The following AARD variants were observed in gnomAD, a reference collection of about 807,000 sequenced individuals.
AARD encodes alanine and arginine rich domain containing protein.
A neutral mutation model predicts 9.3 loss-of-function variants in AARD; 9 were observed. That is an observed-to-expected ratio of 0.97 (90% CI 0.58 to 1.69). The LOEUF is 1.69. Among genes scored for constraint, AARD ranks in the 40% most tolerant of loss-of-function variants. AARD has a pLI of 0.00. For synonymous variants in AARD, 91 were observed against 93.8 expected, an observed-to-expected ratio of 0.97 and a Z score of 0.17; for missense variants, 236 against 210.3, an observed-to-expected ratio of 1.12 and a Z score of -0.76.
rs566770012 is a variant in AARD, at chr8:116,942,696, GA to G, written c.465del (p.Glu155AspfsTer34). The G allele has an allele frequency of 8.5e-4, 1,374 of 1,613,200 alleles. 1 individual carries two copies. Among genetic ancestry groups the G allele is most frequent in the Middle Eastern group, 2.6e-3 (16 of 6,084 alleles). On this transcript the variant is annotated frameshift_variant, in exon 2 of 2. Transcript: ENST00000378279. LOFTEE classifies it high-confidence loss of function. The stretch of plus-strand genomic sequence containing the variant: ...CCCAAAAGATGATGCTGCGAATCCG[GA>G]ATAAAGAAATGCACACGCAAGGGCT... ...QSPKDDAANP[E>X] is the part of the protein sequence containing the mutation.
rs376039393 is a variant in AARD at position 116,938,388 on chromosome 8, G to T, written c.145G>T (p.Ala49Ser). The change falls in exon 1 of 2, where the codon GCC (alanine) becomes TCC (serine). Residue 49 changes from alanine to serine, a missense_variant. Coordinates refer to ENST00000378279, the MANE Select transcript of AARD (RefSeq NM_001025357.3). ...CAGGAGCACGGACATCCAGGAGGAGGCCCTCGCCGCCAGCCCGCTGCTGGA... is the reference window on the plus strand; with the variant it reads ...CAGGAGCACGGACATCCAGGAGGAGTCCCTCGCCGCCAGCCCGCTGCTGGA... ...DGRSTDIQEE[A>S]LAASPLLEDL... 1.2e-6 allele frequency: 2 copies of T among 1,612,278 alleles called. No individual in the cohort carries two copies. Among genetic ancestry groups the T allele is most frequent in the African/African-American group, 2.7e-5 (2 of 74,896 alleles).
Position 116,938,475 on chromosome 8 carries a change from CGCGTGCAG to C in AARD, c.234_241del (p.Val79GlyfsTer17). On this transcript the variant is annotated frameshift_variant, in exon 1 of 2. Transcript: ENST00000378279. LOFTEE classifies it high-confidence loss of function. ...GGCGGTGCAGCGCGCGATCTCGAGGCGCGTGCAGGAGGCGGCGGCGGCGGCGGCGGCGC... is the reference window on the plus strand; with the variant it reads ...GGCGGTGCAGCGCGCGATCTCGAGGCGAGGCGGCGGCGGCGGCGGCGGCGC... The C allele has an allele frequency of 6.3e-7, 1 of 1,582,812 alleles. No individual in the cohort carries two copies. The highest frequency in any genetic ancestry group is 1.1e-5 in the South Asian group (1 of 88,062).
At position 116,938,355 on chromosome 8, in the gene AARD, G is replaced by C. The variant is rs1586307749; in HGVS notation, c.112G>C (p.Gly38Arg). 1 of 1,612,934 alleles carries C rather than the reference G, an allele frequency of 6.2e-7. No homozygotes were observed. The highest frequency in any genetic ancestry group is 8.5e-7 in the Non-Finnish European group (1 of 1,179,932). ...ACCTCGTCCCGCGTGCGACTTCTTCGGGGACGGCAGGAGCACGGACATCCA... is the reference window on the plus strand; with the variant it reads ...ACCTCGTCCCGCGTGCGACTTCTTCCGGGACGGCAGGAGCACGGACATCCA... The part of the protein sequence containing the change: ...FPPRPACDFF[G>R]DGRSTDIQEE... The change falls in exon 1 of 2, where the codon GGG becomes CGG. Residue 38 changes from glycine (G) to arginine (R), a missense_variant. By Grantham distance (125) the Gly-to-Arg change is moderately radical. Transcript: ENST00000378279.
Position 116,938,557 on chromosome 8 carries a change from G to T in AARD, c.314G>T (p.Arg105Leu). ...GTTGAGGCCACCCTGGCCAGGCTGC[G>T]GGCGGAGCTGGTGAGAGAGCGGGCT... is the stretch of plus-strand genomic sequence containing the variant. Reference protein sequence around the residue: ...TGVEATLARLRAELVEMHFQN... With the variant: ...TGVEATLARLLAELVEMHFQN... The change falls in exon 1 of 2, where the codon CGG becomes CTG. Residue 105 changes from arginine to leucine, a missense_variant. Physicochemically the swap from Arg to Leu is moderately radical, Grantham distance 102. Coordinates refer to ENST00000378279, the MANE Select transcript of AARD (RefSeq NM_001025357.3). The T allele has an allele frequency of 2.1e-6, 3 of 1,433,612 alleles. No individual in the cohort carries two copies. Among genetic ancestry groups the T allele is most frequent in the Non-Finnish European group, 2.7e-6 (3 of 1,105,384 alleles). The allele number at this position is 1,433,612 out of a possible 1,614,324, so 88.8% of individuals were successfully genotyped here.
chr8:116,939,105 A>AT (rs1008519639), intron 1 of AARD, among the ~76,000 whole-genome samples: 28 of 152,210 alleles, frequency 1.8e-4, no homozygotes, highest in Admixed American at 1.0e-3. Context: ...TAGCTGACTG[A>AT]TTTTTTTTAA....
chr8:116,938,643 G>T, intron 1 of AARD, 76 bp downstream of exon 1: 1 of 1,376,074 alleles, frequency 7.3e-7, no homozygotes, highest in Middle Eastern at 2.7e-4. Flanking sequence ...AGAGCCGCTG[G>T]CCGCGTAGCC....
chr8:116,941,145 T>C (rs1813740666), intron 1 of AARD, among the ~76,000 whole-genome samples: 4 of 152,180 alleles, frequency 2.6e-5, no homozygotes, highest in Admixed American at 2.6e-4. Flanking sequence ...ATGAATAATA[T>C]ACAGCCTCTA....
intron 1 of AARD, 92 bp downstream of exon 1, chr8:116,938,659 G>T: frequency 1.5e-6 from 2 of 1,370,266 alleles, no homozygotes; most frequent in Non-Finnish European, 1.9e-6. Flanking sequence ...TAGCCCACCC[G>T]ACGCCTTGGG....
rs751352913 is a variant in AARD, at chr8:116,942,662, C to A, written c.429C>A (p.Asp143Glu). 6.2e-7 allele frequency: 1 copy of A among 1,613,958 alleles called. No individual in the cohort carries two copies. Among genetic ancestry groups the A allele is most frequent in the Non-Finnish European group, 8.5e-7 (1 of 1,179,970 alleles). Residue 143 changes from aspartate (D) to glutamate (E), a missense_variant, in exon 2 of 2, where the codon GAC (aspartate) becomes GAA (glutamate). Physicochemically the swap from Asp to Glu is conservative, Grantham distance 45. Transcript: ENST00000378279. ...AGTATGAACTGGAAATTACATCAGACTCCCAAAGCCCAAAAGATGATGCTG... is the reference window on the plus strand; with the variant it reads ...AGTATGAACTGGAAATTACATCAGAATCCCAAAGCCCAAAAGATGATGCTG... ...KKEYELEITS[D>E]SQSPKDDAAN...
chr8:116,938,470 C>T lies in AARD; in HGVS notation c.227C>T (p.Ser76Leu), dbSNP rs1813700523. 6.3e-7 allele frequency: 1 copy of T among 1,588,044 alleles called. No individual in the cohort carries two copies. The highest frequency in any genetic ancestry group is 1.4e-5 in the African/African-American group (1 of 73,472). Residue 76 changes from serine to leucine, a missense_variant, in exon 1 of 2, where the codon TCG becomes TTG. Physicochemically the swap from Ser to Leu is moderately radical, Grantham distance 145. Transcript: ENST00000378279. ...AFQWAVQRAI[S>L]RRVQEAAAAA... ...CAGTGGGCGGTGCAGCGCGCGATCT[C>T]GAGGCGCGTGCAGGAGGCGGCGGCG...
intron 1 of AARD, among the ~76,000 whole-genome samples, chr8:116,941,803 C>T (rs1376193127): frequency 1.3e-5 from 2 of 152,164 alleles, no homozygotes; most frequent in Admixed American, 1.3e-4. Context: ...GAACAAATTC[C>T]TCGTGAACTG....
Position 116,944,433 on chromosome 8 carries a change from G to A in AARD, c.*1732G>A, listed in dbSNP as rs1223784773. The A allele has an allele frequency of 3.9e-5, 6 of 152,112 alleles. No homozygotes were observed. Among genetic ancestry groups the A allele is most frequent in the African/African-American group, 1.4e-4 (6 of 41,500 alleles). 9.4% of individuals were successfully genotyped at this position (152,112 alleles called of 1,614,324 possible). On this transcript the variant is annotated 3_prime_UTR_variant, in exon 2 of 2. Transcript: ENST00000378279. Reference sequence around the variant, plus strand: ...GGGTGACAGAGGGGGACTTGGCCTCGAAAAAATAAATAAATAATAAAAATA... The same window carrying A: ...GGGTGACAGAGGGGGACTTGGCCTCAAAAAAATAAATAAATAATAAAAATA...
rs575561085 is a variant in AARD at position 116,938,566 on chromosome 8, T to C, written c.323T>C (p.Leu108Pro). 2 of 1,419,624 alleles carry C rather than the reference T, an allele frequency of 1.4e-6. No individual in the cohort carries two copies. Among genetic ancestry groups the C allele is most frequent in the East Asian group, 2.8e-5 (1 of 35,264 alleles). The allele number at this position is 1,419,624 out of a possible 1,614,324, so 87.9% of individuals were successfully genotyped here. A position where few individuals can be genotyped will look rare whatever the true frequency, so the allele number is the denominator to read the frequency against. ...EATLARLRAELVEMHFQNHQL... is the reference protein window; with the variant it reads ...EATLARLRAEPVEMHFQNHQL... Reference sequence around the variant, plus strand: ...ACCCTGGCCAGGCTGCGGGCGGAGCTGGTGAGAGAGCGGGCTAGGCGGACG... The same window carrying C: ...ACCCTGGCCAGGCTGCGGGCGGAGCCGGTGAGAGAGCGGGCTAGGCGGACG... Residue 108 changes from leucine (L) to proline (P), a missense_variant and splice_region_variant, in exon 1 of 2, where the codon CTG becomes CCG. Physicochemically the swap from Leu to Pro is moderately conservative, Grantham distance 98. Transcript: ENST00000378279.
intron 1 of AARD, among the ~76,000 whole-genome samples, chr8:116,941,445 C>G (rs1813743911): frequency 6.6e-6 from 1 of 152,138 alleles, no homozygotes; most frequent in Admixed American, 6.5e-5. Context: ...AAAGGAAGCT[C>G]AAAGTAGGGC....
rs1474986966 is a variant in AARD, at chr8:116,943,685, A to C, written c.*984A>C. 6.7e-6 allele frequency: 1 copy of C among 148,150 alleles called. No homozygotes were observed. The highest frequency in any genetic ancestry group is 1.5e-5 in the Non-Finnish European group (1 of 66,764). The allele number at this position is 148,150 out of a possible 1,614,324, so 9.2% of individuals were successfully genotyped here. ...GAGGTGACTGAAACGGAACCACTAA[A>C]AGCACAAAAGGGGAGGGAGGGAGGG... On this transcript the variant is annotated 3_prime_UTR_variant, in exon 2 of 2. Transcript: ENST00000378279.
chr8:116,938,454 G>A lies in AARD; in HGVS notation c.211G>A (p.Val71Met), dbSNP rs1168911718. Residue 71 changes from valine (V) to methionine (M), a missense_variant, in exon 1 of 2, where the codon GTG becomes ATG. By Grantham distance (21) the Val-to-Met change is conservative. Coordinates refer to ENST00000378279, the MANE Select transcript of AARD (RefSeq NM_001025357.3). Reference protein sequence around the residue: ...RRLTRAFQWAVQRAISRRVQE... With the variant: ...RRLTRAFQWAMQRAISRRVQE... The stretch of plus-strand genomic sequence containing the variant: ...GCTGACGCGCGCCTTCCAGTGGGCG[G>A]TGCAGCGCGCGATCTCGAGGCGCGT... The A allele has an allele frequency of 6.2e-7, 1 of 1,601,566 alleles. No individual in the cohort carries two copies. Among genetic ancestry groups the A allele is most frequent in the Non-Finnish European group, 8.5e-7 (1 of 1,174,982 alleles).
intron 1 of AARD, among the ~76,000 whole-genome samples, chr8:116,940,498 A>G (rs571734801): frequency 6.2e-4 from 94 of 152,332 alleles, no homozygotes; most frequent in African/African-American, 2.1e-3. Flanking sequence ...CAATCATTTT[A>G]TCCTGGTCAT....
In AARD at chr8:116,943,829, A is replaced by G. The variant is rs1254295132; in HGVS notation, c.*1128A>G. 3.4e-4 allele frequency: 51 copies of G among 152,082 alleles called. No individual in the cohort carries two copies. Among genetic ancestry groups the G allele is most frequent in the Admixed American group, 3.3e-3 (51 of 15,268 alleles). The allele number at this position is 152,082 out of a possible 1,614,324, so 9.4% of individuals were successfully genotyped here. A position where few individuals can be genotyped will look rare whatever the true frequency, so the allele number is the denominator to read the frequency against. ...CATAAAATCTCTTTTTGCCTAAGTA[A>G]ATTCAAGCTGGAGTTTCATGACTTG... On this transcript the variant is annotated 3_prime_UTR_variant, in exon 2 of 2. Coordinates refer to ENST00000378279, the MANE Select transcript of AARD (RefSeq NM_001025357.3).
chr8:116,941,916 G>A (rs1344316167), intron 1 of AARD, among the ~76,000 whole-genome samples: 5 of 152,052 alleles, frequency 3.3e-5, no homozygotes, highest in African/African-American at 7.2e-5. Context: ...GACTGCCCCC[G>A]GGTAACATGC....
Sources: allele counts gnomAD v4.1 joint callset (sites outside exome capture counted in the v4.1 genomes callset), GRCh38; gene constraint gnomAD v4.1.1; transcripts MANE v1.5; gene names NCBI Gene and HGNC (gene_info 2026-07-23, HGNC 2026-07-21).